The following LRRFIP2 variants were observed in gnomAD, a reference collection of about 807,000 sequenced individuals.
LRRFIP2 encodes LRR binding FLII interacting protein 2.
LRRFIP2 carries 109 observed loss-of-function variants against 125.9 expected under a neutral mutation model. The observed-to-expected ratio is 0.87, with a 90% CI of 0.74 to 1.01. The LOEUF is 1.01. LRRFIP2 is among the 50% of genes least tolerant of loss of function. The pLI, the probability that LRRFIP2 is intolerant of heterozygous loss-of-function variation, is 0.00. For synonymous variants in LRRFIP2, 291 were observed against 293.1 expected (o/e 0.99, Z 0.07); for missense variants, 850 against 862.3 (o/e 0.99, Z 0.18).
Position 37,115,084 on chromosome 3 carries a change from G to C in LRRFIP2, c.342C>G (p.Phe114Leu), listed in dbSNP as rs776740745. The C allele has an allele frequency of 3.7e-5, 60 of 1,600,566 alleles. No homozygotes were observed. Among genetic ancestry groups the C allele is most frequent in the Non-Finnish European group, 5.0e-5 (58 of 1,171,324 alleles). The change falls in exon 7 of 28, where the codon TTC (phenylalanine) becomes TTG (leucine). Residue 114 changes from phenylalanine (F) to leucine (L), a missense_variant. Coordinates refer to ENST00000336686, the MANE Select transcript of LRRFIP2 (RefSeq NM_006309.4). The stretch of plus-strand genomic sequence containing the variant: ...ATGAAAGTCTTGATGATCTATCCTT[G>C]AACATATCATACTGGGTTTCAGCAA... Reference protein sequence around the residue: ...RSVGSHRYDMFKDRSSRLSSL... With the variant: ...RSVGSHRYDMLKDRSSRLSSL...
intron 1 of LRRFIP2, among the ~76,000 whole-genome samples, chr3:37,161,309 C>A (rs182241423): frequency 6.6e-6 from 1 of 151,690 alleles, no homozygotes; most frequent in Non-Finnish European, 1.5e-5. Flanking sequence ...GAGCCAAGAT[C>A]GCATCACTGC....
In LRRFIP2 at chr3:37,156,345, T is replaced by C. The variant is rs562540592; in HGVS notation, c.-55-7307A>G. ...AAATTTTTTTTTTAATTTTTTATAA[T>C]AAAATGTTGGGGAAAGAGTAACTGC... On this transcript the variant is annotated intron_variant, in intron 1 of 27. Transcript: ENST00000336686. Among the ~76,000 whole-genome samples, 3 of 151,514 alleles carry C rather than the reference T, an allele frequency of 2.0e-5. No homozygotes were observed. In the South Asian group the frequency reaches 6.2e-4, roughly 31 times the overall value.
chr3:37,157,699 C>T (rs1577766494), intron 1 of LRRFIP2, among the ~76,000 whole-genome samples: 1 of 151,752 alleles, frequency 6.6e-6, no homozygotes. Context: ...GAAATTGAGG[C>T]AAAGTACAAA....
At chr3:37,106,650 A>T (rs1173677627) in intron 13 of LRRFIP2, among the ~76,000 whole-genome samples, 1 of 152,070 alleles carries the variant, frequency 6.6e-6, no homozygotes, top group African/African-American at 2.4e-5. Flanking sequence ...TCTAAATAAA[A>T]ATTAAAATTA....
At chr3:37,167,575 AC>A (rs1324621429) in intron 1 of LRRFIP2, among the ~76,000 whole-genome samples, 1 of 151,026 alleles carries the variant, frequency 6.6e-6, no homozygotes, top group African/African-American at 2.4e-5. Flanking sequence ...AATCGCTTAA[AC>A]CCAGGAGGGA....
intron 12 of LRRFIP2, 146 bp from the exon 13 acceptor site, chr3:37,108,275 C>A: frequency 1.5e-6 from 1 of 655,792 alleles, no homozygotes; most frequent in South Asian, 1.9e-5. Context: ...TCTACCTCAT[C>A]CCCACCCTCA....
At chr3:37,071,345 G>T (rs1229706743) in intron 21 of LRRFIP2, among the ~76,000 whole-genome samples, 3 of 152,150 alleles carry the variant, frequency 2.0e-5, no homozygotes, top group Non-Finnish European at 4.4e-5. Context: ...AGCCTCCTAA[G>T]TAGCTGGGGC....
At chr3:37,112,838 G>T in intron 8 of LRRFIP2, 77 bp downstream of exon 8, 2 of 726,366 alleles carry the variant, frequency 2.8e-6, no homozygotes, top group Non-Finnish European at 4.7e-6. Flanking sequence ...TGTCCTAGTA[G>T]CACACCAAAG....
chr3:37,056,871 C>G (rs919355034), intron 25 of LRRFIP2, among the ~76,000 whole-genome samples: 2 of 152,212 alleles, frequency 1.3e-5, no homozygotes, highest in Non-Finnish European at 2.9e-5. Context: ...TTGTTATCCT[C>G]AGCAATCTAT....
At chr3:37,139,503 T>C (rs2095637503) in intron 2 of LRRFIP2, among the ~76,000 whole-genome samples, 1 of 152,226 alleles carries the variant, frequency 6.6e-6, no homozygotes, top group Non-Finnish European at 1.5e-5. Flanking sequence ...GAAGGCATTT[T>C]AAGGTCTGAA....
chr3:37,099,397 A>AT (rs1398845521), intron 15 of LRRFIP2, among the ~76,000 whole-genome samples: 1 of 152,214 alleles, frequency 6.6e-6, no homozygotes, highest in Non-Finnish European at 1.5e-5. Flanking sequence ...TTTAAACAGA[A>AT]TAAAATTTAA....
chr3:37,103,549 G>A (rs147517613), intron 14 of LRRFIP2, among the ~76,000 whole-genome samples: 2 of 152,144 alleles, frequency 1.3e-5, no homozygotes, highest in African/African-American at 4.8e-5. Context: ...CCTCTTTTTA[G>A]TTCCCCAAAC....
chr3:37,143,183 C>G (rs137959059), intron 2 of LRRFIP2, among the ~76,000 whole-genome samples: 1 of 152,214 alleles, frequency 6.6e-6, no homozygotes, highest in African/African-American at 2.4e-5. Context: ...AATTAAACCT[C>G]TTTTCTTTAT....
rs2085884425 is a variant in LRRFIP2 at position 37,052,782 on chromosome 3, G to A, written c.*1069C>T. 1 of 151,912 alleles carries A rather than the reference G, an allele frequency of 6.6e-6. No individual in the cohort carries two copies. The highest frequency in any genetic ancestry group is 1.5e-5 in the Non-Finnish European group (1 of 68,002). The allele number at this position is 151,912 out of a possible 1,614,324, so 9.4% of individuals were successfully genotyped here. ...ATAATCATTTCTATAAAACCACCTG[G>A]GTACTAAGAGCAAAAGAGAATCATA... On this transcript the variant is annotated 3_prime_UTR_variant, in exon 28 of 28. Coordinates refer to ENST00000336686, the MANE Select transcript of LRRFIP2 (RefSeq NM_006309.4).
chr3:37,109,608 C>G, intron 10 of LRRFIP2, 37 bp from the exon 11 acceptor site: 4 of 1,613,926 alleles, frequency 2.5e-6, no homozygotes, highest in Non-Finnish European at 3.4e-6. Context: ...CCAAAAAAAG[C>G]AACTGGTAGC....
chr3:37,102,883 C>T (rs764567933), intron 15 of LRRFIP2, 41 bp downstream of exon 15: 2 of 1,315,010 alleles, frequency 1.5e-6, no homozygotes, highest in Middle Eastern at 3.7e-4. Flanking sequence ...TAGTCACAAG[C>T]CTGGGACAAC....
At chr3:37,145,880 TACTTA>T (rs1194643016) in intron 2 of LRRFIP2, among the ~76,000 whole-genome samples, 4 of 151,944 alleles carry the variant, frequency 2.6e-5, no homozygotes, top group African/African-American at 9.7e-5. Context: ...TTGGGGAAGT[TACTTA>T]ACTTTTCTGT....
Position 37,058,899 on chromosome 3 carries a change from C to G in LRRFIP2, c.1761G>C (p.Leu587=). The G allele has an allele frequency of 6.2e-7, 1 of 1,613,912 alleles. No homozygotes were observed. The highest frequency in any genetic ancestry group is 1.1e-5 in the South Asian group (1 of 91,076). Residue 587 remains leucine (L), a synonymous_variant, in exon 25 of 28, where the codon CTG becomes CTC. Coordinates refer to ENST00000336686, the MANE Select transcript of LRRFIP2 (RefSeq NM_006309.4). Reference sequence around the variant, plus strand: ...GTCGTTCCTCCTCTAACTGAAGCTTCAGTTTTCTAATCTGAAATGAAAATA... The same window carrying G: ...GTCGTTCCTCCTCTAACTGAAGCTTGAGTTTTCTAATCTGAAATGAAAATA... ...KEELLSQIRK[L]KLQLEEERQK...
intron 2 of LRRFIP2, among the ~76,000 whole-genome samples, chr3:37,133,622 T>C (rs1232205285): frequency 6.6e-6 from 1 of 152,028 alleles, no homozygotes; most frequent in East Asian, 1.9e-4. Context: ...AGCACAATAG[T>C]GGTTGCCAGG....
Sources: gnomAD v4.1 joint callset for allele counts (sites outside exome capture counted in the v4.1 genomes callset) on GRCh38, gnomAD v4.1.1 for gene constraint, MANE v1.5 for transcripts, NCBI Gene and HGNC (gene_info 2026-07-23, HGNC 2026-07-21) for gene names.